Variants in TENM1 observed in about 807,000 individuals in gnomAD.
TENM1 encodes teneurin transmembrane protein 1.
A neutral mutation model predicts 174.8 loss-of-function variants in TENM1; 35 were observed. That is an observed-to-expected ratio of 0.20 (90% CI 0.15 to 0.27). TENM1 has a LOEUF of 0.27. Ranked by LOEUF, TENM1 falls within the 10% of genes least tolerant of loss-of-function variation. The pLI, the probability that TENM1 is intolerant of heterozygous loss-of-function variation, is 1.00. For missense variants in TENM1, 1,633 were observed against 2,130.1 expected (o/e 0.77, Z 4.59); for synonymous variants, 781 against 798.7 (o/e 0.98, Z 0.37).
At chrX:124,732,971 G>A (rs1036842660) in intron 4 of TENM1, among the ~76,000 whole-genome samples, 3 of 111,615 alleles carry the variant, frequency 2.7e-5, no homozygotes, top group African/African-American at 9.8e-5. Flanking sequence ...TCAATTACTC[G>A]AGGCAACCTG....
the TENM1 span, among the ~76,000 whole-genome samples, chrX:125,201,528 T>G: frequency 3.6e-5 from 4 of 112,165 alleles, no homozygotes; most frequent in Non-Finnish European, 7.5e-5. Context: ...TGGGGTTTTT[T>G]TCTGCTATGT....
intron 3 of TENM1, among the ~76,000 whole-genome samples, chrX:124,748,985 T>G (rs2054000274): frequency 9.0e-6 from 1 of 111,613 alleles, no homozygotes; most frequent in African/African-American, 3.2e-5. Context: ...ATCTATAAAA[T>G]CAGGTGCCAT....
At chrX:124,613,749 A>G (rs1311724280) in intron 11 of TENM1, among the ~76,000 whole-genome samples, 1 of 111,441 alleles carries the variant, frequency 9.0e-6, no homozygotes, top group Non-Finnish European at 1.9e-5. Flanking sequence ...AAGAGAGTAT[A>G]TTATTTCTGA....
chrX:124,952,482 A>T (rs1428088520), intron 1 of TENM1, among the ~76,000 whole-genome samples: 2 of 110,755 alleles, frequency 1.8e-5, no homozygotes. Flanking sequence ...ACCACAGATT[A>T]CTTTTTTCAA....
intron 22 of TENM1, among the ~76,000 whole-genome samples, chrX:124,463,068 T>C (rs1476017971): frequency 2.7e-5 from 3 of 111,977 alleles, no homozygotes; most frequent in Non-Finnish European, 5.6e-5. Context: ...GAATAGCTCA[T>C]GACACCGCTC....
At chrX:124,461,166 T>C (rs1159737419) in intron 22 of TENM1, among the ~76,000 whole-genome samples, 2 of 111,944 alleles carry the variant, frequency 1.8e-5, no homozygotes, top group African/African-American at 6.5e-5. Context: ...AATTACCACC[T>C]AAAAAGGAGA....
At chrX:124,974,249 A>G in the TENM1 span, among the ~76,000 whole-genome samples, 1 of 111,707 alleles carries the variant, frequency 9.0e-6, no homozygotes, top group Admixed American at 9.5e-5. Context: ...CTCATTTCCT[A>G]TTCATCTGTT....
intron 3 of TENM1, among the ~76,000 whole-genome samples, chrX:124,892,509 T>G (rs1441800360): frequency 1.8e-5 from 2 of 112,316 alleles, no homozygotes; most frequent in African/African-American, 6.5e-5. Context: ...CAAGTCCTTA[T>G]AAACATGATT....
chrX:125,007,126 C>T, the TENM1 span, among the ~76,000 whole-genome samples: 1 of 111,017 alleles, frequency 9.0e-6, no homozygotes, highest in Non-Finnish European at 1.9e-5. Context: ...AGCTAAAAAC[C>T]TTAATAAAAA....
chrX:124,817,288 T>C (rs1353184242), intron 3 of TENM1, among the ~76,000 whole-genome samples: 3 of 111,998 alleles, frequency 2.7e-5, no homozygotes, highest in Non-Finnish European at 5.6e-5. Flanking sequence ...CAGTCTATTA[T>C]TGATGGACAT....
chrX:124,599,413 T>C (rs1360068635), intron 11 of TENM1, among the ~76,000 whole-genome samples: 1 of 110,171 alleles, frequency 9.1e-6, no homozygotes, highest in Admixed American at 9.7e-5. Context: ...TAGGAAGAGG[T>C]TTCACGGGCA....
chrX:124,790,464 G>C (rs1056671079), intron 3 of TENM1, among the ~76,000 whole-genome samples: 1 of 111,750 alleles, frequency 8.9e-6, no homozygotes, highest in Non-Finnish European at 1.9e-5. Flanking sequence ...CTGTTTTTGG[G>C]TACGAAGTCA....
chrX:124,894,275 C>T, intron 3 of TENM1, 21 bp downstream of exon 6: 1 of 1,180,729 alleles, frequency 8.5e-7, no homozygotes, highest in South Asian at 1.8e-5. Context: ...AATTTGTGAT[C>T]AAATATTTGA....
intron 3 of TENM1, among the ~76,000 whole-genome samples, chrX:124,816,953 T>C (rs1251043006): frequency 9.0e-6 from 1 of 110,842 alleles, no homozygotes; most frequent in African/African-American, 3.3e-5. Context: ...TTTTGTTACA[T>C]AGGTATATAC....
chrX:124,991,846 C>T, the TENM1 span, among the ~76,000 whole-genome samples: 1 of 111,308 alleles, frequency 9.0e-6, no homozygotes, highest in African/African-American at 3.3e-5. Context: ...AGCTTTGCTG[C>T]TAGACTTGTT....
At chrX:124,757,338 C>T (rs1401444741) in intron 3 of TENM1, among the ~76,000 whole-genome samples, 1 of 112,578 alleles carries the variant, frequency 8.9e-6, no homozygotes, top group African/African-American at 3.2e-5. Flanking sequence ...TTTTTTAAGC[C>T]CATCAGAAAA....
chrX:124,652,758 G>A (rs1179523186), intron 7 of TENM1, among the ~76,000 whole-genome samples: 1 of 106,117 alleles, frequency 9.4e-6, no homozygotes, highest in Admixed American at 9.7e-5. Flanking sequence ...ATATTCAAAA[G>A]GCCCCTCCTC....
At chrX:125,012,413 A>G in the TENM1 span, among the ~76,000 whole-genome samples, 1 of 112,159 alleles carries the variant, frequency 8.9e-6, no homozygotes, top group South Asian at 3.6e-4. Context: ...AAACACTAAA[A>G]TGAGACTACA....
the TENM1 span, among the ~76,000 whole-genome samples, chrX:125,076,506 C>G: frequency 2.7e-5 from 3 of 111,177 alleles, no homozygotes; most frequent in African/African-American, 9.8e-5. Flanking sequence ...ATGATGGGTT[C>G]TTGCTCTGGG....
Sources: gnomAD v4.1 joint callset for allele counts (sites outside exome capture counted in the v4.1 genomes callset) on GRCh38, gnomAD v4.1.1 for gene constraint, MANE v1.5 for transcripts, NCBI Gene and HGNC (gene_info 2026-07-23, HGNC 2026-07-21) for gene names.